RUFY1: variants seen among roughly 807,000 people sequenced by gnomAD.
RUFY1 encodes RUN and FYVE domain containing 1.
Under a neutral mutation model 94.6 loss-of-function variants are expected in RUFY1, and 54 were observed. The ratio of observed to expected loss-of-function variants is 0.57; its 90% CI spans 0.46 to 0.72. The LOEUF (loss-of-function observed/expected upper bound fraction) is 0.72, where lower values mean the gene tolerates loss of function less well. Ranked by LOEUF, RUFY1 falls within the 30% of genes least tolerant of loss-of-function variation. The pLI is 0.00. For synonymous variants in RUFY1, 396 were observed against 347.3 expected (o/e 1.14, Z -1.56); for missense variants, 883 against 883.9 (o/e 1.00, Z 0.01).
intron 5 of RUFY1, among the ~76,000 whole-genome samples, chr5:179,573,189 G>A (rs1420292182): frequency 6.6e-6 from 1 of 152,076 alleles, no homozygotes; most frequent in Non-Finnish European, 1.5e-5. Flanking sequence ...GTAGTTAAGC[G>A]CCTGCCTACT....
At chr5:179,560,490 C>A (rs1762362185) in intron 2 of RUFY1, among the ~76,000 whole-genome samples, 1 of 151,642 alleles carries the variant, frequency 6.6e-6, no homozygotes, top group African/African-American at 2.4e-5. Context: ...GAGGCCAAGG[C>A]GGGCGGATCA....
At chr5:179,557,403 C>T (rs564605043) in intron 1 of RUFY1, among the ~76,000 whole-genome samples, 1 of 152,302 alleles carries the variant, frequency 6.6e-6, no homozygotes, top group Admixed American at 6.5e-5. Context: ...GCACTCCAGC[C>T]TGGACAACAA....
At position 179,609,472 on chromosome 5, in the gene RUFY1, A is replaced by G; in HGVS notation, c.2080A>G (p.Ser694Gly). The part of the protein sequence containing the change: ...SYPKPVRVCD[S>G]CHTLLLQRCS... Reference sequence around the variant, plus strand: ...CCCCAAGCCGGTGCGAGTGTGCGACAGCTGCCACACCCTGCTCCTGCAGCG... The same window carrying G: ...CCCCAAGCCGGTGCGAGTGTGCGACGGCTGCCACACCCTGCTCCTGCAGCG... Residue 694 changes from serine (S) to glycine (G), a missense_variant, in exon 18 of 18, where the codon AGC (serine) becomes GGC (glycine). By Grantham distance (56) the Ser-to-Gly change is moderately conservative. Coordinates refer to ENST00000319449, the MANE Select transcript of RUFY1 (RefSeq NM_025158.5). The G allele has an allele frequency of 1.9e-6, 3 of 1,610,850 alleles. No homozygotes were observed. The highest frequency in any genetic ancestry group is 2.5e-6 in the Non-Finnish European group (3 of 1,179,716).
At chr5:179,597,927 C>T (rs1164673348) in intron 13 of RUFY1, among the ~76,000 whole-genome samples, 10 of 152,234 alleles carry the variant, frequency 6.6e-5, no homozygotes, top group Admixed American at 4.6e-4. Context: ...CGGTGGCTCA[C>T]GCCCATAATC....
intron 13 of RUFY1, chr5:179,598,421 T>C: frequency 2.4e-6 from 1 of 409,294 alleles, no homozygotes; most frequent in Non-Finnish European, 4.4e-6. Context: ...GTCGGGAGGG[T>C]TCTGCTTATG....
intron 6 of RUFY1, among the ~76,000 whole-genome samples, chr5:179,578,338 C>T (rs201273943): frequency 2.0e-5 from 3 of 152,052 alleles, no homozygotes; most frequent in Non-Finnish European, 4.4e-5. Context: ...CTCAGCCTCC[C>T]GAGTAGCAGG....
intron 6 of RUFY1, among the ~76,000 whole-genome samples, chr5:179,578,551 C>T (rs1010559214): frequency 2.0e-5 from 3 of 151,616 alleles, no homozygotes; most frequent in African/African-American, 7.3e-5. Flanking sequence ...GAAGCTCTCC[C>T]TCACCCTTGT....
intron 14 of RUFY1, among the ~76,000 whole-genome samples, chr5:179,600,511 T>C (rs544470588): frequency 1.3e-5 from 2 of 152,310 alleles, no homozygotes; most frequent in Middle Eastern, 6.8e-3. Context: ...AGCAGCTTTT[T>C]CAGAATTGAA....
At chr5:179,608,475 T>C in intron 17 of RUFY1, 1 of 985,604 alleles carries the variant, frequency 1.0e-6, no homozygotes, top group African/African-American at 1.7e-5. Flanking sequence ...GGTGCTCATC[T>C]TGATGTCTTA....
In RUFY1 at chr5:179,593,577, C is replaced by T. The variant is rs750199831; in HGVS notation, c.1345C>T (p.Leu449=). The T allele has an allele frequency of 7.9e-5, 128 of 1,614,042 alleles. No homozygotes were observed. Among genetic ancestry groups the T allele is most frequent in the Non-Finnish European group, 1.1e-4 (126 of 1,179,982 alleles). ...GGACACCCACGAGAAGCAGGACACA[C>T]TAGTTGCCCTCCGCCAGCAGCTGGA... ...EKDTHEKQDT[L]VALRQQLEEV... is the part of the protein sequence containing the mutation. Residue 449 remains leucine, a synonymous_variant, in exon 11 of 18, where the codon CTA becomes TTA. Coordinates refer to ENST00000319449, the MANE Select transcript of RUFY1 (RefSeq NM_025158.5).
intron 1 of RUFY1, among the ~76,000 whole-genome samples, chr5:179,551,794 T>C (rs547975333): frequency 6.6e-6 from 1 of 150,782 alleles, no homozygotes; most frequent in East Asian, 2.0e-4. Context: ...ACTACAGGCT[T>C]GAGCCACCGC....
chr5:179,577,614 GC>G (rs1186652821), intron 6 of RUFY1, among the ~76,000 whole-genome samples: 2 of 126,702 alleles, frequency 1.6e-5, no homozygotes, highest in Non-Finnish European at 3.3e-5. Flanking sequence ...GGGAGTTTCG[GC>G]CGAAAGAGCA....
rs946180041 is a variant in RUFY1 at position 179,594,923 on chromosome 5, A to G, written c.1471A>G (p.Thr491Ala). The G allele has an allele frequency of 3.1e-6, 5 of 1,613,312 alleles. No homozygotes were observed. In the African/African-American group the frequency reaches 5.3e-5, roughly 17 times the overall value. ...AGCCATCACATCCTTTGAAGGAAAA[A>G]CCAACCAAGTTATGTCCAGCATGAA... is the stretch of plus-strand genomic sequence containing the variant. ...NEAITSFEGK[T>A]NQVMSSMKQM... Residue 491 changes from threonine (T) to alanine (A), a missense_variant, in exon 12 of 18, where the codon ACC (threonine) becomes GCC (alanine). Thr to Ala is a moderately conservative substitution (Grantham distance 58). Coordinates refer to ENST00000319449, the MANE Select transcript of RUFY1 (RefSeq NM_025158.5).
In RUFY1 at chr5:179,577,139, A is replaced by G; in HGVS notation, c.890+3A>G. ...CAGGATCTTGATGGTGGCAAGGAGTAAGTACTGCGTTGTATGTCACTTTTT... is the reference window on the plus strand; with the variant it reads ...CAGGATCTTGATGGTGGCAAGGAGTGAGTACTGCGTTGTATGTCACTTTTT... On this transcript the variant is annotated splice_donor_region_variant and intron_variant, in intron 6 of 17. Transcript: ENST00000319449. 9.6e-7 allele frequency: 1 copy of G among 1,043,192 alleles called. No individual in the cohort carries two copies. The highest frequency in any genetic ancestry group is 1.5e-6 in the Non-Finnish European group (1 of 679,660). The allele number at this position is 1,043,192 out of a possible 1,614,324, so 64.6% of individuals were successfully genotyped here.
chr5:179,609,553 G>C lies in RUFY1; in HGVS notation c.*34G>C, dbSNP rs780107671. 4 of 1,556,618 alleles carry C rather than the reference G, an allele frequency of 2.6e-6. No homozygotes were observed. In the South Asian group the frequency reaches 4.6e-5, roughly 18 times the overall value. On this transcript the variant is annotated 3_prime_UTR_variant, in exon 18 of 18. Coordinates refer to ENST00000319449, the MANE Select transcript of RUFY1 (RefSeq NM_025158.5). Reference sequence around the variant, plus strand: ...CCTCAGGAGCACAGCCTCACGGACAGTGCCAAACCCTGTGGGTCTCCAGGG... The same window carrying C: ...CCTCAGGAGCACAGCCTCACGGACACTGCCAAACCCTGTGGGTCTCCAGGG...
At chr5:179,577,598 G>C (rs966889446) in intron 6 of RUFY1, among the ~76,000 whole-genome samples, 4 of 139,906 alleles carry the variant, frequency 2.9e-5, no homozygotes, top group Admixed American at 7.0e-5. Flanking sequence ...GGGGAGGGCG[G>C]GGGTGGGGAG....
chr5:179,608,709 C>G (rs1767371055), intron 17 of RUFY1: 1 of 845,202 alleles, frequency 1.2e-6, no homozygotes. Flanking sequence ...GGGTGGATCA[C>G]GAGGTCAGAA....
At chr5:179,584,158 G>T (rs993424526) in intron 7 of RUFY1, among the ~76,000 whole-genome samples, 5 of 152,032 alleles carry the variant, frequency 3.3e-5, no homozygotes, top group African/African-American at 1.2e-4. Flanking sequence ...GTATCTTTTG[G>T]TTTTTTTCCC....
chr5:179,591,580 T>C (rs574366674), intron 9 of RUFY1, 45 bp from the exon 10 acceptor site: 18 of 1,192,020 alleles, frequency 1.5e-5, no homozygotes, highest in African/African-American at 1.2e-4. Flanking sequence ...ATTAGCTTGC[T>C]TTCCATAAGC....
Sources: allele counts gnomAD v4.1 joint callset (sites outside exome capture counted in the v4.1 genomes callset), GRCh38; gene constraint gnomAD v4.1.1; transcripts MANE v1.5; gene names NCBI Gene and HGNC (gene_info 2026-07-23, HGNC 2026-07-21).